Variants in RARS1 observed in about 807,000 individuals in gnomAD.
The protein encoded by RARS1 is arginyl-tRNA synthetase 1.
RARS1 carries 75 observed loss-of-function variants against 78.7 expected under a neutral mutation model. The ratio of observed to expected loss-of-function variants is 0.95; its 90% CI spans 0.79 to 1.15. The LOEUF is 1.15. Among genes scored for constraint, RARS1 ranks in the 50% most tolerant of loss-of-function variants. The pLI is 0.00. For missense variants in RARS1, 787 were observed against 787.5 expected (o/e 1.00, Z 0.01); for synonymous variants, 273 against 268.2 (o/e 1.02, Z -0.18).
intron 11 of RARS1, among the ~76,000 whole-genome samples, chr5:168,507,375 A>C (rs1266620351): frequency 1.3e-5 from 2 of 152,240 alleles, no homozygotes; most frequent in Non-Finnish European, 2.9e-5. Context: ...TAAAATAAAA[A>C]GGTAAATACA....
chr5:168,489,357 C>A (rs941633765), intron 2 of RARS1, among the ~76,000 whole-genome samples: 9 of 152,042 alleles, frequency 5.9e-5, no homozygotes, highest in African/African-American at 2.2e-4. Flanking sequence ...TATGCCCATG[C>A]CTTTTTTAAA....
Position 168,486,554 on chromosome 5 carries a change from A to G in RARS1, c.45+11A>G. 1 of 1,555,602 alleles carries G rather than the reference A, an allele frequency of 6.4e-7. No homozygotes were observed. Among genetic ancestry groups the G allele is most frequent in the Non-Finnish European group, 8.7e-7 (1 of 1,148,798 alleles). On this transcript the variant is annotated intron_variant, in intron 1 of 14. Coordinates refer to ENST00000231572, the MANE Select transcript of RARS1 (RefSeq NM_002887.4). The stretch of plus-strand genomic sequence containing the variant: ...CGGCTGCTGCAGCAGGTTTGGACGC[A>G]GGAGACCGGCGGGAAGGCCTGAAAG...
rs533389317 is a variant in RARS1 at position 168,499,370 on chromosome 5, C to T, written c.823-1221C>T. ...GGAAGGATCATAAAGATCATAATTT[C>T]CTCTCGGATATTTTGATTAATAAAT... On this transcript the variant is annotated intron_variant, in intron 7 of 14. Coordinates refer to ENST00000231572, the MANE Select transcript of RARS1 (RefSeq NM_002887.4). 7.2e-5 allele frequency among the ~76,000 whole-genome samples: 11 copies of T among 152,194 alleles called. No individual in the cohort carries two copies. The South Asian group carries it at 2.3e-3, about 32-fold the overall frequency.
At chr5:168,487,269 G>C (rs1582424255) in intron 1 of RARS1, among the ~76,000 whole-genome samples, 1 of 152,088 alleles carries the variant, frequency 6.6e-6, no homozygotes, top group Non-Finnish European at 1.5e-5. Context: ...GGGAGGCTGA[G>C]GCAGGAGAAT....
chr5:168,505,269 A>G (rs777270334), intron 9 of RARS1, among the ~76,000 whole-genome samples: 1 of 37,580 alleles, frequency 2.7e-5, no homozygotes, highest in Non-Finnish European at 4.8e-5. Flanking sequence ...AGTACTTGGC[A>G]CATAGTAGCA....
In RARS1 at chr5:168,488,667, T is replaced by G. The variant is rs765739548; in HGVS notation, c.111T>G (p.Ala37=). The G allele has an allele frequency of 1.2e-6, 2 of 1,612,748 alleles. No homozygotes were observed. Among genetic ancestry groups the G allele is most frequent in the South Asian group, 2.2e-5 (2 of 90,602 alleles). The part of the protein sequence containing the change: ...DRLKNCGCLG[A]SPNLEQLQEE... Reference sequence around the variant, plus strand: ...TGAAAAACTGTGGCTGTTTAGGAGCTTCTCCAAATTTGGAGCAGTTACAAG... The same window carrying G: ...TGAAAAACTGTGGCTGTTTAGGAGCGTCTCCAAATTTGGAGCAGTTACAAG... Residue 37 remains alanine, a synonymous_variant, in exon 2 of 15, where the codon GCT becomes GCG. Coordinates refer to ENST00000231572, the MANE Select transcript of RARS1 (RefSeq NM_002887.4).
At chr5:168,494,468 C>G in intron 4 of RARS1, 82 bp from the exon 5 acceptor site, 1 of 1,565,160 alleles carries the variant, frequency 6.4e-7, no homozygotes, top group Non-Finnish European at 8.6e-7. Context: ...AGAGCCAGGT[C>G]AGTGTCTGGA....
rs901324431 is a variant in RARS1 at position 168,495,318 on chromosome 5, A to G, written c.583A>G (p.Ile195Val). 4 of 1,613,708 alleles carry G rather than the reference A, an allele frequency of 2.5e-6. No individual in the cohort carries two copies. Among genetic ancestry groups the G allele is most frequent in the South Asian group, 1.1e-5 (1 of 91,060 alleles). ...LPALGENKKV[I>V]VDFSSPNIAK... Reference sequence around the variant, plus strand: ...TTTCTCTTTTTGTCTACCCCAGGTTATAGTTGACTTTTCCTCCCCTAATAT... The same window carrying G: ...TTTCTCTTTTTGTCTACCCCAGGTTGTAGTTGACTTTTCCTCCCCTAATAT... The change falls in exon 6 of 15, where the codon ATA becomes GTA. Residue 195 changes from isoleucine to valine, a missense_variant. Coordinates refer to ENST00000231572, the MANE Select transcript of RARS1 (RefSeq NM_002887.4).
intron 12 of RARS1, among the ~76,000 whole-genome samples, chr5:168,516,422 T>C (rs542078817): frequency 1.3e-5 from 2 of 152,208 alleles, no homozygotes; most frequent in Non-Finnish European, 2.9e-5. Context: ...TTGGTGTTAC[T>C]CTGTTTCCTA....
chr5:168,493,870 G>A, intron 3 of RARS1, 24 bp from the exon 4 acceptor site: 1 of 1,562,292 alleles, frequency 6.4e-7, no homozygotes, highest in South Asian at 1.1e-5. Flanking sequence ...GTTGTGTAAT[G>A]AATCATTTTA....
chr5:168,494,169 A>C, intron 4 of RARS1, 167 bp downstream of exon 4: 2 of 895,458 alleles, frequency 2.2e-6, no homozygotes, highest in Non-Finnish European at 2.7e-6. Flanking sequence ...ATCTAGACTC[A>C]GCTACCACTT....
chr5:168,489,567 AT>A (rs143719954), intron 2 of RARS1, among the ~76,000 whole-genome samples: 2,975 of 152,090 alleles, frequency 0.02, 74 homozygotes, highest in East Asian at 0.095. Flanking sequence ...TGGTCTCATG[AT>A]TTAACAGTGT....
chr5:168,506,222 G>C (rs749005665), intron 10 of RARS1, 23 bp downstream of exon 10: 1 of 1,502,914 alleles, frequency 6.7e-7, no homozygotes, highest in Non-Finnish European at 9.0e-7. Flanking sequence ...ATTTGTATGT[G>C]TTTTACATTG....
chr5:168,499,793 C>T (rs979220151), intron 7 of RARS1, among the ~76,000 whole-genome samples: 2 of 151,822 alleles, frequency 1.3e-5, no homozygotes. Context: ...TAAATGTTAA[C>T]ACCAGTTAAT....
Position 168,517,945 on chromosome 5 carries a change from C to T in RARS1, c.1756C>T (p.Gln586Ter), listed in dbSNP as rs1278240484. 1 of 1,613,594 alleles carries T rather than the reference C, an allele frequency of 6.2e-7. No homozygotes were observed. Among genetic ancestry groups the T allele is most frequent in the Admixed American group, 1.7e-5 (1 of 59,958 alleles). ...CATTTTACGGTTCCCTGAGATTCTG[C>T]AAAAGATTTTAGATGACTTATTTCT... ...RCILRFPEIL[Q>*]KILDDLFLHT... Residue 586 changes from glutamine (Q) to a stop codon, truncating the protein, a stop_gained, in exon 14 of 15, where the codon CAA becomes TAA. Transcript: ENST00000231572. LOFTEE classifies it high-confidence loss of function.
rs540452295 is a variant in RARS1, at chr5:168,518,452, T to G, written c.1873+390T>G. On this transcript the variant is annotated intron_variant, in intron 14 of 14. Coordinates refer to ENST00000231572, the MANE Select transcript of RARS1 (RefSeq NM_002887.4). ...GAAATGGAACTCTGCCCAATCAGTC[T>G]ACTTTTCTACAATTAGGCACATGAG... Among the ~76,000 whole-genome samples the G allele has an allele frequency of 2.8e-4, 42 of 152,314 alleles. 1 individual carries two copies. The East Asian group carries it at 5.0e-3, about 18-fold the overall frequency.
At chr5:168,494,088 G>A in intron 4 of RARS1, 86 bp downstream of exon 4, 2 of 1,360,330 alleles carry the variant, frequency 1.5e-6, no homozygotes, top group African/African-American at 1.5e-5. Flanking sequence ...TTTAATTACA[G>A]GGTTAAACTT....
At chr5:168,514,964 CAGTCTTATA>C (rs1758634106) in intron 12 of RARS1, among the ~76,000 whole-genome samples, 1 of 152,110 alleles carries the variant, frequency 6.6e-6, no homozygotes, top group Non-Finnish European at 1.5e-5. Context: ...CCAGGTTATA[CAGTCTTATA>C]AGTCTTATAA....
At chr5:168,516,413 TG>T (rs144433966) in intron 12 of RARS1, among the ~76,000 whole-genome samples, 1,951 of 152,324 alleles carry the variant, frequency 0.013, 45 homozygotes, top group East Asian at 0.096. Context: ...TTGTATTTTT[TG>T]GTGTTACTCT....
Sources: gnomAD v4.1 joint callset for allele counts (sites outside exome capture counted in the v4.1 genomes callset) on GRCh38, gnomAD v4.1.1 for gene constraint, MANE v1.5 for transcripts, NCBI Gene and HGNC (gene_info 2026-07-23, HGNC 2026-07-21) for gene names.